The following SNTB1 variants were observed in gnomAD, a reference collection of about 807,000 sequenced individuals.
The protein encoded by SNTB1 is syntrophin beta 1.
SNTB1 carries 36 observed loss-of-function variants against 48.9 expected under a neutral mutation model. That is an observed-to-expected ratio of 0.74 (90% CI 0.56 to 0.97). SNTB1 has a LOEUF of 0.97. Among genes scored for constraint, SNTB1 ranks in the 50% least tolerant of loss-of-function variants. SNTB1 has a pLI of 0.00. For missense variants in SNTB1, 786 were observed against 703.4 expected, an observed-to-expected ratio of 1.12 and a Z score of -1.33; for synonymous variants, 299 against 294.6, an observed-to-expected ratio of 1.01 and a Z score of -0.15.
chr8:120,802,004 C>T (rs1820235155), intron 1 of SNTB1, among the ~76,000 whole-genome samples: 2 of 151,952 alleles, frequency 1.3e-5, no homozygotes, highest in African/African-American at 4.8e-5. Context: ...CTTTGGTGTC[C>T]CAACTTTAAG....
intron 1 of SNTB1, among the ~76,000 whole-genome samples, chr8:120,808,723 T>TA (rs1820378965): frequency 6.6e-6 from 1 of 152,194 alleles, no homozygotes; most frequent in South Asian, 2.1e-4. Context: ...ATGCCTAGAA[T>TA]GCAGGCATTG....
chr8:120,626,516 TA>T (rs1415409522), intron 3 of SNTB1, among the ~76,000 whole-genome samples: 2 of 152,244 alleles, frequency 1.3e-5, no homozygotes, highest in Non-Finnish European at 2.9e-5. Flanking sequence ...GTTTATTTAG[TA>T]ATCTCTAATT....
At chr8:120,732,445 A>T (rs1390965428) in intron 1 of SNTB1, among the ~76,000 whole-genome samples, 2 of 152,230 alleles carry the variant, frequency 1.3e-5, no homozygotes, top group Non-Finnish European at 2.9e-5. Flanking sequence ...TTGAGCATGA[A>T]AAGTTTCCTT....
In SNTB1 at chr8:120,617,983, GTA is replaced by G. The variant is rs936318820; in HGVS notation, c.996+14459_996+14460del. ...GAAAGGCAGTATCACCTGAATATAT[GTA>G]TATATATATATATTTAGTGCTCTAG... On this transcript the variant is annotated intron_variant, in intron 3 of 6. Coordinates refer to ENST00000517992, the MANE Select transcript of SNTB1 (RefSeq NM_021021.4). Among the ~76,000 whole-genome samples the G allele has an allele frequency of 8.4e-4, 126 of 150,780 alleles. 1 individual carries two copies. Among genetic ancestry groups the G allele is most frequent in the African/African-American group, 2.7e-3 (112 of 41,198 alleles).
chr8:120,754,317 A>T (rs1218156801), intron 1 of SNTB1, among the ~76,000 whole-genome samples: 1 of 152,058 alleles, frequency 6.6e-6, no homozygotes, highest in Non-Finnish European at 1.5e-5. Context: ...ACATGGTGAA[A>T]ACAAGTGTCT....
At chr8:120,579,390 A>G (rs1327399687) in intron 3 of SNTB1, among the ~76,000 whole-genome samples, 1 of 151,898 alleles carries the variant, frequency 6.6e-6, no homozygotes, top group Non-Finnish European at 1.5e-5. Flanking sequence ...AAATATCTAG[A>G]ATCTGGCAGG....
intron 2 of SNTB1, among the ~76,000 whole-genome samples, chr8:120,649,351 G>C (rs1317832464): frequency 7.0e-6 from 1 of 143,068 alleles, no homozygotes; most frequent in East Asian, 2.0e-4. Context: ...TTTTGGTGTG[G>C]ATGTCCTTTC....
intron 3 of SNTB1, among the ~76,000 whole-genome samples, chr8:120,595,160 C>G (rs1013105714): frequency 6.6e-6 from 1 of 152,076 alleles, no homozygotes; most frequent in African/African-American, 2.4e-5. Flanking sequence ...GCTGTTTGAA[C>G]CAGAGCAACT....
intron 6 of SNTB1, among the ~76,000 whole-genome samples, chr8:120,539,763 C>T (rs975260851): frequency 5.9e-5 from 9 of 152,266 alleles, no homozygotes; most frequent in East Asian, 1.9e-4. Context: ...CAGAACAACC[C>T]GAGCATATTA....
intron 1 of SNTB1, among the ~76,000 whole-genome samples, chr8:120,802,578 T>A (rs561835660): frequency 2.0e-5 from 3 of 152,262 alleles, no homozygotes; most frequent in Non-Finnish European, 4.4e-5. Flanking sequence ...TGGTCATTCG[T>A]TACACTGTTC....
chr8:120,772,210 G>A (rs922840352), intron 1 of SNTB1, among the ~76,000 whole-genome samples: 1 of 150,166 alleles, frequency 6.7e-6, no homozygotes, highest in African/African-American at 2.5e-5. Context: ...CCTGTAGATT[G>A]TCTCTCACAT....
intron 4 of SNTB1, among the ~76,000 whole-genome samples, chr8:120,557,480 T>C (rs1563816667): frequency 6.6e-6 from 1 of 152,218 alleles, no homozygotes; most frequent in East Asian, 1.9e-4. Flanking sequence ...TTGTTGCTTA[T>C]GTATCAGAGT....
chr8:120,602,739 TTTAA>T (rs900561134), intron 3 of SNTB1, among the ~76,000 whole-genome samples: 5 of 152,036 alleles, frequency 3.3e-5, no homozygotes, highest in Non-Finnish European at 7.4e-5. Flanking sequence ...TTCTATTCTA[TTTAA>T]TTAAGAGAAA....
intron 2 of SNTB1, among the ~76,000 whole-genome samples, chr8:120,671,169 C>T (rs1817751440): frequency 6.6e-6 from 1 of 152,030 alleles, no homozygotes; most frequent in Non-Finnish European, 1.5e-5. Flanking sequence ...ATATTTTTAT[C>T]CACTGATATT....
chr8:120,798,984 G>A (rs554288686), intron 1 of SNTB1, among the ~76,000 whole-genome samples: 3 of 152,152 alleles, frequency 2.0e-5, no homozygotes, highest in Non-Finnish European at 2.9e-5. Context: ...TTTGTTGGGA[G>A]TACACACAGC....
chr8:120,751,261 G>A (rs4871123), intron 1 of SNTB1, among the ~76,000 whole-genome samples: 19,756 of 152,078 alleles, frequency 0.13, 1,671 homozygotes, highest in African/African-American at 0.23. Context: ...ATATGTGATG[G>A]ATGTTGTCCA....
chr8:120,647,533 G>T (rs1160330021), intron 2 of SNTB1, among the ~76,000 whole-genome samples: 5 of 149,172 alleles, frequency 3.4e-5, no homozygotes, highest in Admixed American at 6.7e-5. Flanking sequence ...CTGAGAGATA[G>T]TTTGTTATAA....
intron 1 of SNTB1, among the ~76,000 whole-genome samples, chr8:120,776,022 C>T (rs924438769): frequency 2.2e-4 from 33 of 152,206 alleles, no homozygotes; most frequent in African/African-American, 7.7e-4. Context: ...TTGTGGAAGA[C>T]AGTGTGGCAA....
chr8:120,583,440 G>A (rs934026937), intron 3 of SNTB1, among the ~76,000 whole-genome samples: 1 of 151,606 alleles, frequency 6.6e-6, no homozygotes, highest in Non-Finnish European at 1.5e-5. Flanking sequence ...TGAACCCAGG[G>A]GGTGGAGGTT....
Sources: gnomAD v4.1 joint callset for allele counts (sites outside exome capture counted in the v4.1 genomes callset) on GRCh38, gnomAD v4.1.1 for gene constraint, MANE v1.5 for transcripts, NCBI Gene and HGNC (gene_info 2026-07-23, HGNC 2026-07-21) for gene names.